The following XRN1 variants were observed in gnomAD, a reference collection of about 807,000 sequenced individuals.
XRN1 encodes the protein strand-exchange protein 1 homolog.
Under a neutral mutation model 222.3 loss-of-function variants are expected in XRN1, and 67 were observed. That is an observed-to-expected ratio of 0.30 (90% confidence interval 0.25 to 0.37). The LOEUF (loss-of-function observed/expected upper bound fraction) is 0.37, where lower values mean the gene tolerates loss of function less well. Ranked by LOEUF, XRN1 falls within the 10% of genes least tolerant of loss-of-function variation. The pLI, the probability that XRN1 is intolerant of heterozygous loss-of-function variation, is 1.00. For synonymous variants in XRN1, 643 were observed against 652.4 expected, an observed-to-expected ratio of 0.99 and a Z score of 0.22; for missense variants, 1,707 against 2,000.2, an observed-to-expected ratio of 0.85 and a Z score of 2.80.
At chr3:142,317,146 T>C (rs527278354) in intron 39 of XRN1, among the ~76,000 whole-genome samples, 1 of 152,348 alleles carries the variant, frequency 6.6e-6, no homozygotes, top group South Asian at 2.1e-4. Context: ...TTTTTATCAC[T>C]AGTATTCAGA....
intron 19 of XRN1, among the ~76,000 whole-genome samples, chr3:142,399,111 C>G (rs1371120311): frequency 6.6e-6 from 1 of 151,644 alleles, no homozygotes; most frequent in Non-Finnish European, 1.5e-5. Context: ...ATAGTTAAAT[C>G]TCCCCAAATT....
intron 2 of XRN1, among the ~76,000 whole-genome samples, chr3:142,428,422 T>C (rs1229636367): frequency 6.6e-6 from 1 of 151,518 alleles, no homozygotes; most frequent in Non-Finnish European, 1.5e-5. Context: ...AAATTATTTC[T>C]GTTCTGAGAT....
chr3:142,340,678 G>T (rs911797056), intron 33 of XRN1, among the ~76,000 whole-genome samples: 3 of 152,024 alleles, frequency 2.0e-5, no homozygotes, highest in African/African-American at 7.2e-5. Flanking sequence ...AGCAGCAAGA[G>T]AAAAGAAACA....
chr3:142,371,265 G>A lies in XRN1; in HGVS notation c.3042C>T (p.Asp1014=). The A allele has an allele frequency of 1.9e-6, 3 of 1,613,304 alleles. No individual in the cohort carries two copies. Among genetic ancestry groups the A allele is most frequent in the Non-Finnish European group, 2.5e-6 (3 of 1,179,842 alleles). ...NSQEDVFYED[D]IWPGENENGA... Reference sequence around the variant, plus strand: ...CATTCTCATTTTCTCCAGGCCAAATGTCATCTTCATAGAACACATCCTCTT... The same window carrying A: ...CATTCTCATTTTCTCCAGGCCAAATATCATCTTCATAGAACACATCCTCTT... Residue 1014 remains aspartate (D), a synonymous_variant, in exon 26 of 41, where the codon GAC becomes GAT. Coordinates refer to ENST00000392981, the MANE Select transcript of XRN1 (RefSeq NM_001282857.2).
chr3:142,432,197 T>TATATATAA (rs2069645181), intron 2 of XRN1, among the ~76,000 whole-genome samples: 1 of 104,310 alleles, frequency 9.6e-6, no homozygotes, highest in Non-Finnish European at 2.1e-5. Flanking sequence ...ATAAAATTTA[T>TATATATAA]TTTATATATA....
chr3:142,333,120 T>C (rs2107923532), intron 34 of XRN1, 31 bp from the exon 35 acceptor site: 1 of 1,605,544 alleles, frequency 6.2e-7, no homozygotes, highest in Non-Finnish European at 8.5e-7. Context: ...GGCATGAAGA[T>C]GAACGTATAA....
intron 32 of XRN1, among the ~76,000 whole-genome samples, chr3:142,352,818 AT>A (rs1215004615): frequency 3.9e-5 from 6 of 151,966 alleles, no homozygotes; most frequent in African/African-American, 1.2e-4. Flanking sequence ...GATTTTTTGT[AT>A]TGTTTGTAGA....
chr3:142,386,677 C>A (rs2862744), intron 20 of XRN1, among the ~76,000 whole-genome samples: 91,593 of 151,894 alleles, frequency 0.6, 28,614 homozygotes, highest in African/African-American at 0.78. Flanking sequence ...AAAAGGGCAA[C>A]AGACTTGAAC....
At chr3:142,336,030 T>C (rs1430480657) in intron 33 of XRN1, among the ~76,000 whole-genome samples, 1 of 152,088 alleles carries the variant, frequency 6.6e-6, no homozygotes, top group Non-Finnish European at 1.5e-5. Context: ...AATAGAAGAA[T>C]AGTACAAGAC....
intron 14 of XRN1, among the ~76,000 whole-genome samples, chr3:142,413,437 T>C (rs1425899891): frequency 6.6e-6 from 1 of 151,990 alleles, no homozygotes; most frequent in African/African-American, 2.4e-5. Flanking sequence ...CAGTTTAAGG[T>C]TCAGAAAGAT....
At chr3:142,368,543 A>G (rs2066889736) in intron 27 of XRN1, among the ~76,000 whole-genome samples, 1 of 152,256 alleles carries the variant, frequency 6.6e-6, no homozygotes, top group South Asian at 2.1e-4. Context: ...AAAATGTGTG[A>G]AACATTTTAG....
At chr3:142,338,866 G>A (rs1310792913) in intron 33 of XRN1, among the ~76,000 whole-genome samples, 3 of 152,176 alleles carry the variant, frequency 2.0e-5, no homozygotes, top group African/African-American at 7.2e-5. Flanking sequence ...TCTTCTGCCC[G>A]CAGAAAGTGA....
At position 142,407,440 on chromosome 3, in the gene XRN1, A is replaced by T. The variant is rs568789778; in HGVS notation, c.1714-2364T>A. 3.2e-3 allele frequency among the ~76,000 whole-genome samples: 481 copies of T among 152,188 alleles called. 2 individuals are homozygous for T. The highest frequency in any genetic ancestry group is 9.5e-3 in the African/African-American group (395 of 41,516). ...CACCTCCTGGGTTCAAGCAATTCCC[A>T]TGCCTCAGCCTCCTGAGTAGCTGGG... On this transcript the variant is annotated intron_variant, in intron 15 of 40. Transcript: ENST00000392981.
At chr3:142,397,535 C>A in intron 19 of XRN1, 75 bp from the exon 20 acceptor site, 1 of 1,220,612 alleles carries the variant, frequency 8.2e-7, no homozygotes, top group Non-Finnish European at 1.1e-6. Context: ...GTGAGTCTTC[C>A]AAATGAAATA....
intron 2 of XRN1, among the ~76,000 whole-genome samples, chr3:142,428,793 A>G (rs2069377036): frequency 6.6e-6 from 1 of 152,244 alleles, no homozygotes; most frequent in African/African-American, 2.4e-5. Flanking sequence ...ACCCTGAAGT[A>G]TATCTGGGGT....
At chr3:142,395,962 A>C (rs531527907) in intron 20 of XRN1, among the ~76,000 whole-genome samples, 12 of 152,278 alleles carry the variant, frequency 7.9e-5, no homozygotes, top group African/African-American at 2.6e-4. Flanking sequence ...CTTCCTTGGG[A>C]AACTGTCCCT....
intron 29 of XRN1, 113 bp downstream of exon 29, chr3:142,364,934 T>TTA (rs3214978): frequency 0.55 from 621,800 of 1,132,858 alleles, 176,145 homozygotes; most frequent in African/African-American, 0.8. Context: ...ATAAAAAGAT[T>TTA]GTTTGTTCCT....
chr3:142,431,900 TATTATATATATA>T (rs1198972781), intron 2 of XRN1, among the ~76,000 whole-genome samples: 6 of 33,756 alleles, frequency 1.8e-4, no homozygotes, highest in Admixed American at 4.5e-4. Context: ...ATAATATATA[TATTATATATATA>T]AATATATATA....
At chr3:142,317,070 T>C (rs989226564) in intron 39 of XRN1, among the ~76,000 whole-genome samples, 3 of 152,210 alleles carry the variant, frequency 2.0e-5, no homozygotes, top group African/African-American at 7.2e-5. Context: ...CACTGTTCAA[T>C]AGTGCAGTAC....
Sources: allele counts gnomAD v4.1 joint callset (sites outside exome capture counted in the v4.1 genomes callset), GRCh38; gene constraint gnomAD v4.1.1; transcripts MANE v1.5; gene names NCBI Gene and HGNC (gene_info 2026-07-23, HGNC 2026-07-21).